POLH: variants seen among roughly 807,000 people sequenced by gnomAD.
POLH encodes the protein DNA polymerase eta.
A neutral mutation model predicts 73.6 loss-of-function variants in POLH; 53 were observed. The observed-to-expected ratio is 0.72, with a 90% CI of 0.58 to 0.91. The LOEUF (loss-of-function observed/expected upper bound fraction) is 0.91, where lower values mean the gene tolerates loss of function less well. POLH is among the 40% of genes least tolerant of loss of function. POLH has a pLI of 0.00. For missense variants in POLH, 768 were observed against 865.4 expected, an observed-to-expected ratio of 0.89 and a Z score of 1.41; for synonymous variants, 292 against 308.5, an observed-to-expected ratio of 0.95 and a Z score of 0.56.
chr6:43,617,643 A>G lies in POLH; in HGVS notation c.*3086A>G, dbSNP rs935564647. On this transcript the variant is annotated 3_prime_UTR_variant, in exon 11 of 11. Transcript: ENST00000372236. The stretch of plus-strand genomic sequence containing the variant: ...CTGTTTAAAAAAAAAAAAATTCCCA[A>G]TGTGGGCCGGGTGCAGTGGCTCATG... Among the ~76,000 whole-genome samples the G allele has an allele frequency of 6.6e-6, 1 of 151,686 alleles. No individual in the cohort carries two copies. The highest frequency in any genetic ancestry group is 1.5e-5 in the Non-Finnish European group (1 of 67,902).
chr6:43,610,953 G>A (rs1394755961), intron 10 of POLH, among the ~76,000 whole-genome samples: 3 of 152,162 alleles, frequency 2.0e-5, no homozygotes, highest in African/African-American at 7.2e-5. Flanking sequence ...TCGGCCGGGC[G>A]CAGTGGCTCA....
chr6:43,585,635 TTC>T (rs1435739923), intron 3 of POLH, among the ~76,000 whole-genome samples: 4,953 of 145,208 alleles, frequency 0.034, 296 homozygotes, highest in African/African-American at 0.13. Flanking sequence ...GCTCTTTCTT[TTC>T]TTTTTTTTTT....
intron 3 of POLH, among the ~76,000 whole-genome samples, chr6:43,585,807 G>A (rs80302533): frequency 0.036 from 5,393 of 151,258 alleles, 340 homozygotes; most frequent in African/African-American, 0.12. Flanking sequence ...CACCGTGCTG[G>A]CTAATTTTAT....
At chr6:43,589,850 G>T (rs942237073) in intron 4 of POLH, among the ~76,000 whole-genome samples, 6 of 151,748 alleles carry the variant, frequency 4.0e-5, no homozygotes, top group African/African-American at 7.3e-5. Context: ...TAGAGACAGG[G>T]TCTCACTATG....
chr6:43,587,243 C>T (rs1764922571), intron 3 of POLH, 29 bp from the exon 4 acceptor site: 1 of 1,546,538 alleles, frequency 6.5e-7, no homozygotes, highest in Non-Finnish European at 8.9e-7. Context: ...CTGTTTATTG[C>T]CTGCATGAAT....
In POLH at chr6:43,603,807, G is replaced by C. The variant is rs909716298; in HGVS notation, c.765-85G>C. On this transcript the variant is annotated intron_variant, in intron 6 of 10. Transcript: ENST00000372236. ...TTTGTCCTGAACCTTTTGGAGAGCT[G>C]TTTACAAAGTAGAATGTCTTACGTT... The C allele has an allele frequency of 6.5e-5, 91 of 1,395,916 alleles. No homozygotes were observed. The Admixed American group carries it at 1.5e-3, about 23-fold the overall frequency. The allele number at this position is 1,395,916 out of a possible 1,614,324, so 86.5% of individuals were successfully genotyped here. A position where few individuals can be genotyped will look rare whatever the true frequency, so the allele number is the denominator to read the frequency against.
At position 43,614,659 on chromosome 6, in the gene POLH, T is replaced by A. The variant is rs530324979; in HGVS notation, c.*102T>A. 1 of 1,100,840 alleles carries A rather than the reference T, an allele frequency of 9.1e-7. No individual in the cohort carries two copies. The highest frequency in any genetic ancestry group is 1.3e-6 in the Non-Finnish European group (1 of 770,212). The allele number at this position is 1,100,840 out of a possible 1,614,324, so 68.2% of individuals were successfully genotyped here. A position where few individuals can be genotyped will look rare whatever the true frequency, so the allele number is the denominator to read the frequency against. Reference sequence around the variant, plus strand: ...CAGATTTCCCTGAGAAAGGGAATTATGAAATTTTTAATACAAAAAATAATC... The same window carrying A: ...CAGATTTCCCTGAGAAAGGGAATTAAGAAATTTTTAATACAAAAAATAATC... On this transcript the variant is annotated 3_prime_UTR_variant, in exon 11 of 11. Transcript: ENST00000372236.
At chr6:43,603,847 T>C (rs764310755) in intron 6 of POLH, 45 bp from the exon 7 acceptor site, 10 of 1,604,248 alleles carry the variant, frequency 6.2e-6, no homozygotes, top group South Asian at 3.3e-5. Flanking sequence ...GCTAATTAGA[T>C]AGTTATGATG....
chr6:43,585,256 C>T (rs894835179), intron 3 of POLH, among the ~76,000 whole-genome samples: 1 of 152,202 alleles, frequency 6.6e-6, no homozygotes, highest in African/African-American at 2.4e-5. Context: ...GGAATCTCTA[C>T]TATTACAGCT....
At chr6:43,597,995 G>C in intron 5 of POLH, 130 bp downstream of exon 5, 1 of 781,656 alleles carries the variant, frequency 1.3e-6, no homozygotes, top group South Asian at 1.4e-5. Flanking sequence ...AGTGGATCGC[G>C]TGAGCCCAGG....
intron 1 of POLH, among the ~76,000 whole-genome samples, chr6:43,577,875 G>A (rs2127765038): frequency 6.9e-6 from 1 of 145,822 alleles, no homozygotes; most frequent in East Asian, 2.1e-4. Flanking sequence ...ACGAGGTCAG[G>A]AGATCGAGAC....
intron 4 of POLH, among the ~76,000 whole-genome samples, chr6:43,592,303 G>C (rs866494632): frequency 6.6e-6 from 1 of 151,896 alleles, no homozygotes; most frequent in Admixed American, 6.6e-5. Context: ...CGAGGTATTT[G>C]TAATACCTTG....
At position 43,614,428 on chromosome 6, in the gene POLH, C is replaced by T; in HGVS notation, c.2013C>T (p.Pro671=). Residue 671 remains proline, a synonymous_variant, in exon 11 of 11, where the codon CCC becomes CCT. Coordinates refer to ENST00000372236, the MANE Select transcript of POLH (RefSeq NM_006502.3). ...KSFLQPHSSN[P]QVVSAVSHQG... is the part of the protein sequence containing the mutation. The stretch of plus-strand genomic sequence containing the variant: ...TTTTGCAGCCCCACTCTTCAAACCC[C>T]CAGGTTGTTTCTGCCGTATCTCATC... 6.2e-7 allele frequency: 1 copy of T among 1,614,186 alleles called. No homozygotes were observed. The highest frequency in any genetic ancestry group is 1.3e-5 in the African/African-American group (1 of 75,056).
Position 43,604,633 on chromosome 6 carries a change from G to C in POLH, c.903G>C (p.Met301Ile), listed in dbSNP as rs2127805029. 6.2e-7 allele frequency: 1 copy of C among 1,614,046 alleles called. No individual in the cohort carries two copies. Residue 301 changes from methionine (M) to isoleucine (I), a missense_variant, in exon 8 of 11, where the codon ATG (methionine) becomes ATC (isoleucine). Met to Ile is a conservative substitution (Grantham distance 10, BLOSUM62 1). Coordinates refer to ENST00000372236, the MANE Select transcript of POLH (RefSeq NM_006502.3). ...GEKNGSWLYA[M>I]CRGIEHDPVK... The stretch of plus-strand genomic sequence containing the variant: ...TTATTAGGTCTTGGCTATATGCCAT[G>C]TGCCGAGGGATTGAACATGATCCAG...
rs1278644139 is a variant in POLH, at chr6:43,620,088, T to C, written c.*5531T>C. 8.9e-6 allele frequency: 3 copies of C among 335,858 alleles called. No homozygotes were observed. Among genetic ancestry groups the C allele is most frequent in the Non-Finnish European group, 1.1e-5 (2 of 176,824 alleles). 20.8% of individuals were successfully genotyped at this position (335,858 alleles called of 1,614,324 possible). A position where few individuals can be genotyped will look rare whatever the true frequency, so the allele number is the denominator to read the frequency against. On this transcript the variant is annotated 3_prime_UTR_variant, in exon 11 of 11. Transcript: ENST00000372236. ...ATTGTTCCAAGAGTAATTTAGGCTA[T>C]GTAAACTTGAAAAATATGGGACCAG...
chr6:43,604,915 G>A (rs934971588), intron 8 of POLH, among the ~76,000 whole-genome samples, 177 bp downstream of exon 8: 14 of 152,092 alleles, frequency 9.2e-5, no homozygotes, highest in Admixed American at 6.6e-4. Flanking sequence ...TTTCTCTTTC[G>A]TCTATCGAAA....
At position 43,619,541 on chromosome 6, in the gene POLH, C is replaced by T. The variant is rs1371207263; in HGVS notation, c.*4984C>T. 1.3e-5 allele frequency among the ~76,000 whole-genome samples: 2 copies of T among 152,110 alleles called. No homozygotes were observed. The highest frequency in any genetic ancestry group is 2.9e-5 in the Non-Finnish European group (2 of 68,026). ...TAGTGAAGAATTTTAGATCTGATTA[C>T]CACAATTGGGATCATAAACATGTAT... On this transcript the variant is annotated 3_prime_UTR_variant, in exon 11 of 11. Transcript: ENST00000372236.
chr6:43,615,413 G>A lies in POLH; in HGVS notation c.*856G>A, dbSNP rs1582328864. 6.6e-6 allele frequency: 1 copy of A among 151,840 alleles called. No individual in the cohort carries two copies. The highest frequency in any genetic ancestry group is 1.5e-5 in the Non-Finnish European group (1 of 68,002). The allele number at this position is 151,840 out of a possible 1,614,324, so 9.4% of individuals were successfully genotyped here. A position where few individuals can be genotyped will look rare whatever the true frequency, so the allele number is the denominator to read the frequency against. On this transcript the variant is annotated 3_prime_UTR_variant, in exon 11 of 11. Coordinates refer to ENST00000372236, the MANE Select transcript of POLH (RefSeq NM_006502.3). ...CTAAAATTACAAAAAAAATTATCCA[G>A]GCGTGGTGGTGCACGCCTGTAATCC...
At chr6:43,580,549 A>C (rs1358571995) in intron 1 of POLH, among the ~76,000 whole-genome samples, 8 of 69,930 alleles carry the variant, frequency 1.1e-4, no homozygotes, top group Admixed American at 2.9e-4. Context: ...CTGACCCCCC[A>C]ACCTCCCTCC....
Sources: gnomAD v4.1 joint callset for allele counts (sites outside exome capture counted in the v4.1 genomes callset) on GRCh38, gnomAD v4.1.1 for gene constraint, MANE v1.5 for transcripts, NCBI Gene and HGNC (gene_info 2026-07-23, HGNC 2026-07-21) for gene names.